The following AHCYL2 variants were observed in gnomAD, a reference collection of about 807,000 sequenced individuals.
AHCYL2 encodes adenosylhomocysteinase like 2.
A neutral mutation model predicts 81.4 loss-of-function variants in AHCYL2; 28 were observed. The ratio of observed to expected loss-of-function variants is 0.34; its 90% confidence interval spans 0.25 to 0.47. AHCYL2 has a LOEUF of 0.47. Among genes scored for constraint, AHCYL2 ranks in the 20% least tolerant of loss-of-function variants. The probability of loss-of-function intolerance (pLI) is 1.00; values close to 1 mark genes in which losing one functional copy is unlikely to be tolerated. For synonymous variants in AHCYL2, 272 were observed against 290.2 expected, an observed-to-expected ratio of 0.94 and a Z score of 0.64; for missense variants, 551 against 785.1, an observed-to-expected ratio of 0.70 and a Z score of 3.56.
chr7:129,371,690 T>G (rs1378610849), intron 1 of AHCYL2, among the ~76,000 whole-genome samples: 1 of 152,214 alleles, frequency 6.6e-6, no homozygotes, highest in Non-Finnish European at 1.5e-5. Context: ...TGCATGGAGA[T>G]CAGCAATAAC....
At chr7:129,343,923 T>C (rs1793273243) in intron 1 of AHCYL2, among the ~76,000 whole-genome samples, 2 of 152,292 alleles carry the variant, frequency 1.3e-5, no homozygotes, top group African/African-American at 4.8e-5. Flanking sequence ...TTAGAATTCA[T>C]ATAAAGGAAT....
At chr7:129,352,257 G>C (rs1319644336) in intron 1 of AHCYL2, among the ~76,000 whole-genome samples, 1 of 152,114 alleles carries the variant, frequency 6.6e-6, no homozygotes, top group Non-Finnish European at 1.5e-5. Flanking sequence ...TGAACGAAGT[G>C]AGCCTGTCTC....
At chr7:129,352,348 G>A (rs950362722) in intron 1 of AHCYL2, among the ~76,000 whole-genome samples, 2 of 152,214 alleles carry the variant, frequency 1.3e-5, no homozygotes, top group South Asian at 2.1e-4. Context: ...ACCCAAACCC[G>A]CCACCATGAG....
At chr7:129,314,487 A>G (rs1797766744) in intron 1 of AHCYL2, among the ~76,000 whole-genome samples, 1 of 152,208 alleles carries the variant, frequency 6.6e-6, no homozygotes, top group Admixed American at 6.5e-5. Context: ...TCTGGAGACC[A>G]GGAAGTTCAA....
chr7:129,406,392 C>T lies in AHCYL2; in HGVS notation c.1221C>T (p.Cys407=), dbSNP rs150776726. Residue 407 remains cysteine, a synonymous_variant, in exon 10 of 17, where the codon TGC becomes TGT. Coordinates refer to ENST00000325006, the MANE Select transcript of AHCYL2 (RefSeq NM_015328.4). This position sits in a 1 kb window ranked among gnomAD's most constrained non-coding sequence, Gnocchi z 4.3. ...CCCCTCTTCAGGTGGGGAAAGGGTG[C>T]TGTGCTGCCCTGAAAGCCATGGGCT... ...VCGYGEVGKG[C]CAALKAMGSI... is the part of the protein sequence containing the mutation. The T allele has an allele frequency of 9.9e-6, 16 of 1,613,784 alleles. No individual in the cohort carries two copies. Among genetic ancestry groups the T allele is most frequent in the Admixed American group, 6.7e-5 (4 of 59,976 alleles).
At chr7:129,398,435 G>C (rs187410197) in intron 5 of AHCYL2, among the ~76,000 whole-genome samples, 1 of 150,888 alleles carries the variant, frequency 6.6e-6, no homozygotes. Context: ...CTGGAGTGCA[G>C]TGGCATGATC....
At position 129,368,036 on chromosome 7, in the gene AHCYL2, C is replaced by T; in HGVS notation, c.364-11602C>T. 2 of 924,486 alleles carry T rather than the reference C, an allele frequency of 2.2e-6. No individual in the cohort carries two copies. The highest frequency in any genetic ancestry group is 2.6e-6 in the Non-Finnish European group (2 of 773,552). The allele number at this position is 924,486 out of a possible 1,614,324, so 57.3% of individuals were successfully genotyped here. On this transcript the variant is annotated intron_variant, in intron 1 of 16. Transcript: ENST00000325006. The surrounding 1 kb of genome is among the most constrained non-coding windows in gnomAD (Gnocchi z 4.4). ...TGAGAAATGGGAGTGCCTTCCTGAC[C>T]TCAGTCTTTATTGATCTTGGTATCC...
chr7:129,424,837 G>A, intron 13 of AHCYL2, 37 bp from the exon 14 acceptor site: 2 of 1,611,030 alleles, frequency 1.2e-6, no homozygotes, highest in Non-Finnish European at 8.5e-7. Flanking sequence ...CAGCGACTTT[G>A]TCCTAATCCA....
chr7:129,412,230 G>A (rs1419579315), intron 11 of AHCYL2, among the ~76,000 whole-genome samples: 1 of 151,774 alleles, frequency 6.6e-6, no homozygotes, highest in Non-Finnish European at 1.5e-5. Flanking sequence ...AGATACTCGA[G>A]GAGCTGAAGT....
intron 1 of AHCYL2, among the ~76,000 whole-genome samples, chr7:129,238,632 G>GAAACCCCTT (rs1305122743): frequency 6.6e-6 from 1 of 152,070 alleles, no homozygotes; most frequent in East Asian, 1.9e-4. Context: ...AAATTGAGGT[G>GAAACCCCTT]AAACCCAAGA....
intron 1 of AHCYL2, among the ~76,000 whole-genome samples, chr7:129,235,654 C>G (rs1794617909): frequency 1.3e-5 from 2 of 152,324 alleles, no homozygotes; most frequent in African/African-American, 2.4e-5. Flanking sequence ...AACTCCTGGG[C>G]TCAAGTGAGC....
chr7:129,242,610 C>T (rs754078144), intron 1 of AHCYL2, among the ~76,000 whole-genome samples: 27 of 151,496 alleles, frequency 1.8e-4, no homozygotes, highest in Admixed American at 4.0e-4. Flanking sequence ...CTAGCTACTC[C>T]GGAGGCTGAT....
Position 129,368,177 on chromosome 7 carries a change from A to C in AHCYL2, c.364-11461A>C. The C allele has an allele frequency of 8.9e-7, 1 of 1,120,692 alleles. No individual in the cohort carries two copies. The highest frequency in any genetic ancestry group is 1.1e-6 in the Non-Finnish European group (1 of 914,126). 69.4% of individuals were successfully genotyped at this position (1,120,692 alleles called of 1,614,324 possible). On this transcript the variant is annotated intron_variant, in intron 1 of 16. Transcript: ENST00000325006. The surrounding 1 kb of genome is among the most constrained non-coding windows in gnomAD (Gnocchi z 4.4). ...AAGTCCCCACTGGGGAGGTGCGGGT[A>C]GAGTGTTTGGGTAGCATTAAAACAG...
At chr7:129,257,182 G>A (rs1795459994) in intron 1 of AHCYL2, among the ~76,000 whole-genome samples, 1 of 152,156 alleles carries the variant, frequency 6.6e-6, no homozygotes, top group Admixed American at 6.5e-5. Flanking sequence ...ATAGGAATAG[G>A]AATGGCTTGG....
At chr7:129,320,448 C>T (rs893433267) in intron 1 of AHCYL2, among the ~76,000 whole-genome samples, 3 of 152,048 alleles carry the variant, frequency 2.0e-5, no homozygotes, top group Non-Finnish European at 4.4e-5. Context: ...TCCTAAGTAG[C>T]TGGGATTACA....
intron 1 of AHCYL2, among the ~76,000 whole-genome samples, chr7:129,265,295 G>A (rs761317335): frequency 2.0e-5 from 3 of 152,086 alleles, no homozygotes; most frequent in Non-Finnish European, 4.4e-5. Context: ...AGGCAAAAAG[G>A]GCATCCCAGA....
intron 1 of AHCYL2, among the ~76,000 whole-genome samples, chr7:129,287,869 A>C (rs914094300): frequency 6.6e-6 from 1 of 152,212 alleles, no homozygotes; most frequent in Non-Finnish European, 1.5e-5. Flanking sequence ...ACCTTCAACA[A>C]TTGTGAATTC....
intron 1 of AHCYL2, among the ~76,000 whole-genome samples, chr7:129,243,857 T>A (rs912884814): frequency 6.6e-6 from 1 of 152,204 alleles, no homozygotes. Flanking sequence ...CCTCCCAAAG[T>A]GCTGGGATTA....
At chr7:129,371,160 G>A (rs1277602838) in intron 1 of AHCYL2, among the ~76,000 whole-genome samples, 1 of 152,138 alleles carries the variant, frequency 6.6e-6, no homozygotes, top group East Asian at 1.9e-4. Context: ...AAGTTTTAAC[G>A]AGTGTCTTAC....
Sources: allele counts gnomAD v4.1 joint callset (sites outside exome capture counted in the v4.1 genomes callset), GRCh38; gene constraint gnomAD v4.1.1; non-coding constraint Gnocchi (gnomAD v3.1); transcripts MANE v1.5; gene names NCBI Gene and HGNC (gene_info 2026-07-23, HGNC 2026-07-21).